The following GRID2 variants were observed in gnomAD, a reference collection of about 807,000 sequenced individuals.
The protein encoded by GRID2 is glutamate receptor ionotropic, delta-2.
In GRID2, 33 loss-of-function variants were observed where a neutral mutation model predicts 114.8. The ratio of observed to expected loss-of-function variants is 0.29; its 90% CI spans 0.22 to 0.38. GRID2 has a LOEUF of 0.38. Among genes scored for constraint, GRID2 ranks in the 10% least tolerant of loss-of-function variants. The pLI is 1.00. For synonymous variants in GRID2, 505 were observed against 449.9 expected, an observed-to-expected ratio of 1.12 and a Z score of -1.55; for missense variants, 1,184 against 1,257.7, an observed-to-expected ratio of 0.94 and a Z score of 0.89.
At position 92,951,696 on chromosome 4, in the gene GRID2, G is replaced by A. The variant is rs907891450; in HGVS notation, c.245-133299G>A. 2.6e-5 allele frequency among the ~76,000 whole-genome samples: 4 copies of A among 152,094 alleles called. No individual in the cohort carries two copies. In the South Asian group the frequency reaches 6.2e-4, roughly 24 times the overall value. On this transcript the variant is annotated intron_variant, in intron 2 of 15. Coordinates refer to ENST00000282020, the MANE Select transcript of GRID2 (RefSeq NM_001510.4). ...ATTAAAAAGCATAAATTCATGCCAA[G>A]CCATTAGTTTTGCACCAAACTGTGT... is the stretch of plus-strand genomic sequence containing the variant.
chr4:93,193,834 A>G (rs934640380), intron 4 of GRID2, among the ~76,000 whole-genome samples: 3 of 152,220 alleles, frequency 2.0e-5, no homozygotes, highest in African/African-American at 7.2e-5. Context: ...CTTGGCATAC[A>G]TCTCCAGGAT....
intron 2 of GRID2, among the ~76,000 whole-genome samples, chr4:92,708,472 T>C (rs1241961040): frequency 6.6e-6 from 1 of 152,158 alleles, no homozygotes; most frequent in Non-Finnish European, 1.5e-5. Context: ...CGCTCTGGAA[T>C]TGGGCAGCAT....
intron 2 of GRID2, among the ~76,000 whole-genome samples, chr4:92,745,395 C>A (rs1737100699): frequency 6.6e-6 from 1 of 152,092 alleles, no homozygotes; most frequent in Admixed American, 6.5e-5. Flanking sequence ...TTTTCATTTT[C>A]ATTCTCTCTT....
At chr4:93,334,351 A>G (rs974275503) in intron 8 of GRID2, among the ~76,000 whole-genome samples, 2 of 151,324 alleles carry the variant, frequency 1.3e-5, no homozygotes, top group Non-Finnish European at 2.9e-5. Flanking sequence ...CCCTATGACA[A>G]TAAGTCAGCT....
chr4:93,712,098 T>C (rs1429283913), intron 14 of GRID2, among the ~76,000 whole-genome samples: 1 of 152,186 alleles, frequency 6.6e-6, no homozygotes, highest in Non-Finnish European at 1.5e-5. Context: ...TTGGCTTAAC[T>C]TTTTACATAT....
intron 13 of GRID2, among the ~76,000 whole-genome samples, chr4:93,536,647 C>CT (rs200767918): frequency 3.9e-3 from 267 of 68,258 alleles, no homozygotes; most frequent in Middle Eastern, 0.033. Context: ...TTTTTGACTT[C>CT]TTTTTTTTTT....
intron 2 of GRID2, among the ~76,000 whole-genome samples, chr4:92,704,898 T>C (rs929365212): frequency 1.3e-5 from 2 of 152,054 alleles, no homozygotes; most frequent in Non-Finnish European, 2.9e-5. Flanking sequence ...TAGATTCACT[T>C]GTATATAAAT....
At chr4:92,525,831 A>G (rs1352787853) in intron 1 of GRID2, among the ~76,000 whole-genome samples, 1 of 152,104 alleles carries the variant, frequency 6.6e-6, no homozygotes, top group Non-Finnish European at 1.5e-5. Flanking sequence ...TGCAAGGGAG[A>G]GTAGCATTTG....
At chr4:92,486,547 TCACACACACACACACACACACACACACA>T (rs72216440) in intron 1 of GRID2, among the ~76,000 whole-genome samples, 1 of 137,074 alleles carries the variant, frequency 7.3e-6, no homozygotes, top group African/African-American at 2.7e-5. Context: ...TCTCTCTCTT[TCACACACACACACACACACACACACACA>T]CACACACACA....
chr4:93,324,743 C>T (rs932159659), intron 8 of GRID2, among the ~76,000 whole-genome samples: 1 of 152,096 alleles, frequency 6.6e-6, no homozygotes, highest in East Asian at 1.9e-4. Flanking sequence ...AGAGATTCAA[C>T]TTCTTCCTGG....
intron 1 of GRID2, 86 bp downstream of exon 1, chr4:92,304,830 C>T (rs1388551783): frequency 1.0e-6 from 1 of 953,096 alleles, no homozygotes; most frequent in Non-Finnish European, 1.7e-6. Context: ...TCTCCGGTCT[C>T]TGTGTGTCTT....
chr4:92,842,079 G>A (rs1198977349), intron 2 of GRID2, among the ~76,000 whole-genome samples: 1 of 152,012 alleles, frequency 6.6e-6, no homozygotes, highest in African/African-American at 2.4e-5. Flanking sequence ...CTCTAAATAC[G>A]ATGGTTAGAT....
intron 2 of GRID2, among the ~76,000 whole-genome samples, chr4:92,871,102 G>A (rs1745239582): frequency 6.6e-6 from 1 of 152,052 alleles, no homozygotes; most frequent in Non-Finnish European, 1.5e-5. Flanking sequence ...TAAACAGAAT[G>A]TTGGTAGATA....
chr4:93,373,947 C>T (rs539484917), intron 8 of GRID2, among the ~76,000 whole-genome samples: 101 of 152,288 alleles, frequency 6.6e-4, no homozygotes, highest in Non-Finnish European at 1.3e-3. Flanking sequence ...TTGATCTACA[C>T]TACAGAAGGC....
At chr4:92,836,049 G>A (rs1221897270) in intron 2 of GRID2, among the ~76,000 whole-genome samples, 1 of 152,134 alleles carries the variant, frequency 6.6e-6, no homozygotes, top group Non-Finnish European at 1.5e-5. Context: ...TAGCCTGCAA[G>A]TCAAATACAA....
At chr4:93,301,140 C>A (rs2149167645) in intron 8 of GRID2, among the ~76,000 whole-genome samples, 1 of 152,264 alleles carries the variant, frequency 6.6e-6, no homozygotes, top group South Asian at 2.1e-4. Flanking sequence ...TCTCTCTTCC[C>A]TCAATACACA....
At chr4:92,376,717 CA>C (rs1729373133) in intron 1 of GRID2, among the ~76,000 whole-genome samples, 1 of 152,156 alleles carries the variant, frequency 6.6e-6, no homozygotes, top group African/African-American at 2.4e-5. Context: ...GAAATCTAGG[CA>C]GAGGTTCCCA....
At chr4:93,406,572 A>G (rs913392509) in intron 9 of GRID2, among the ~76,000 whole-genome samples, 3 of 152,188 alleles carry the variant, frequency 2.0e-5, no homozygotes, top group Admixed American at 1.3e-4. Flanking sequence ...GAATCAGAAC[A>G]ATCGCCAGAG....
intron 10 of GRID2, among the ~76,000 whole-genome samples, chr4:93,446,723 A>C (rs1722127755): frequency 6.6e-6 from 1 of 151,996 alleles, no homozygotes; most frequent in Non-Finnish European, 1.5e-5. Flanking sequence ...AGACTCTACT[A>C]ATTTTGAATT....
Sources: allele counts gnomAD v4.1 joint callset (sites outside exome capture counted in the v4.1 genomes callset), GRCh38; gene constraint gnomAD v4.1.1; transcripts MANE v1.5; gene names NCBI Gene and HGNC (gene_info 2026-07-23, HGNC 2026-07-21).